RUNX1: variants seen among roughly 807,000 people sequenced by gnomAD.
RUNX1 encodes runt-related transcription factor 1.
RUNX1 carries 19 observed loss-of-function variants against 42.8 expected under a neutral mutation model. The ratio of observed to expected loss-of-function variants is 0.44; its 90% CI spans 0.31 to 0.65. The LOEUF is 0.65. RUNX1 is among the 30% of genes least tolerant of loss of function. RUNX1 has a pLI of 0.07. For missense variants in RUNX1, 528 were observed against 672.0 expected (o/e 0.79, Z 2.37); for synonymous variants, 271 against 289.4 (o/e 0.94, Z 0.64).
In RUNX1 at chr21:34,791,552, AG is replaced by A. The variant is rs201200981; in HGVS notation, c.*582del. 1.2e-3 allele frequency: 271 copies of A among 230,638 alleles called. 7 individuals carry two copies. The East Asian group carries it at 0.017, about 14-fold the overall frequency. The allele number at this position is 230,638 out of a possible 1,614,324, so 14.3% of individuals were successfully genotyped here. A position where few individuals can be genotyped will look rare whatever the true frequency, so the allele number is the denominator to read the frequency against. On this transcript the variant is annotated 3_prime_UTR_variant, in exon 9 of 9. Coordinates refer to ENST00000675419, the MANE Select transcript of RUNX1 (RefSeq NM_001754.5). ...CCATGGTCAAAGCAAGAAAGAAGCA[AG>A]CTCAATTTATATATATTTATATAAA...
At chr21:34,986,301 T>C (rs1488963203) in intron 2 of RUNX1, among the ~76,000 whole-genome samples, 2 of 152,004 alleles carry the variant, frequency 1.3e-5, no homozygotes, top group African/African-American at 4.8e-5. Context: ...TGGCACTGTT[T>C]GTTTCCTCAA....
chr21:34,888,163 G>C, intron 3 of RUNX1: 2 of 1,066,496 alleles, frequency 1.9e-6, no homozygotes, highest in African/African-American at 1.6e-5. Context: ...TCGGGCAGCA[G>C]CGAGACGATA....
intron 7 of RUNX1, among the ~76,000 whole-genome samples, chr21:34,831,366 C>T (rs1407801801): frequency 2.6e-5 from 4 of 152,168 alleles, no homozygotes; most frequent in Admixed American, 6.5e-5. Flanking sequence ...CAATCTGTAC[C>T]GTGCTTCAGA....
intron 4 of RUNX1, among the ~76,000 whole-genome samples, chr21:34,884,710 G>A (rs1220537879): frequency 6.6e-6 from 1 of 152,182 alleles, no homozygotes; most frequent in Non-Finnish European, 1.5e-5. Flanking sequence ...CAGTGAGCAG[G>A]TCTCCTCCAG....
chr21:34,971,508 T>C (rs73900750), intron 2 of RUNX1, among the ~76,000 whole-genome samples: 1 of 139,980 alleles, frequency 7.1e-6, no homozygotes, highest in Non-Finnish European at 1.6e-5. Context: ...TTATCAGCCA[T>C]CCATCCATCC....
intron 3 of RUNX1, chr21:34,887,808 C>A (rs2058020755): frequency 1.9e-6 from 2 of 1,063,844 alleles, no homozygotes; most frequent in Non-Finnish European, 2.3e-6. Context: ...TTTTAAGTAG[C>A]CTTGAAAATC....
At chr21:34,940,834 C>A (rs189191419) in intron 2 of RUNX1, among the ~76,000 whole-genome samples, 1 of 152,204 alleles carries the variant, frequency 6.6e-6, no homozygotes, top group Non-Finnish European at 1.5e-5. Flanking sequence ...ATCTCAGAAA[C>A]CTTTGGTTTG....
At chr21:35,025,494 C>G (rs1030612000) in intron 2 of RUNX1, among the ~76,000 whole-genome samples, 2 of 152,180 alleles carry the variant, frequency 1.3e-5, no homozygotes, top group Non-Finnish European at 2.9e-5. Context: ...GCTATTAACA[C>G]CCAGCACACG....
intron 5 of RUNX1, among the ~76,000 whole-genome samples, chr21:34,862,311 C>T (rs188659182): frequency 8.5e-4 from 130 of 152,290 alleles, no homozygotes; most frequent in Non-Finnish European, 1.0e-3. Flanking sequence ...CCTGAGATGC[C>T]CATAGCCATG....
Position 35,029,238 on chromosome 21 carries a change from T to C in RUNX1, c.58+19604A>G, listed in dbSNP as rs188538041. The stretch of plus-strand genomic sequence containing the variant: ...AAGGAAATTTCAAGTGTATTACATA[T>C]AATGAAGCAGACTGAAAGAACAGTA... On this transcript the variant is annotated intron_variant, in intron 2 of 8. Transcript: ENST00000675419. Among the ~76,000 whole-genome samples, 31 of 152,300 alleles carry C rather than the reference T, an allele frequency of 2.0e-4. No homozygotes were observed. The East Asian group carries it at 5.0e-3, about 25-fold the overall frequency.
At chr21:34,851,241 C>G (rs1038786161) in intron 6 of RUNX1, among the ~76,000 whole-genome samples, 16 of 152,248 alleles carry the variant, frequency 1.1e-4, no homozygotes, top group African/African-American at 3.9e-4. Flanking sequence ...CATGTACCAC[C>G]TGAGTGCATG....
At chr21:34,805,045 G>A (rs142324282) in intron 7 of RUNX1, among the ~76,000 whole-genome samples, 1 of 152,232 alleles carries the variant, frequency 6.6e-6, no homozygotes, top group African/African-American at 2.4e-5. Context: ...GAGCCACCGT[G>A]CCCAGCCTGA....
intron 6 of RUNX1, among the ~76,000 whole-genome samples, chr21:34,842,699 G>A (rs1196066326): frequency 1.3e-5 from 2 of 151,864 alleles, no homozygotes; most frequent in Non-Finnish European, 2.9e-5. Flanking sequence ...AACACAGATG[G>A]CACACATGCA....
At chr21:34,912,709 C>A (rs2058281767) in intron 2 of RUNX1, among the ~76,000 whole-genome samples, 1 of 152,190 alleles carries the variant, frequency 6.6e-6, no homozygotes, top group Non-Finnish European at 1.5e-5. Context: ...TTGGAAAGCA[C>A]ACATCTGATG....
intron 2 of RUNX1, among the ~76,000 whole-genome samples, chr21:35,021,178 G>T (rs2059195408): frequency 1.3e-5 from 2 of 152,212 alleles, no homozygotes; most frequent in Non-Finnish European, 2.9e-5. Context: ...GTCTGAGTCA[G>T]GCCCTGTAAC....
chr21:34,923,424 T>C (rs1247996480), intron 2 of RUNX1, among the ~76,000 whole-genome samples: 2 of 152,206 alleles, frequency 1.3e-5, no homozygotes, highest in Non-Finnish European at 2.9e-5. Flanking sequence ...TGATGACAGT[T>C]ATGCACGTTT....
At chr21:34,811,959 C>A (rs983567804) in intron 7 of RUNX1, among the ~76,000 whole-genome samples, 6 of 151,994 alleles carry the variant, frequency 3.9e-5, no homozygotes, top group African/African-American at 1.5e-4. Context: ...CAAGAAACAG[C>A]CCTCTATACC....
At chr21:34,880,793 C>A (rs2146365599) in intron 4 of RUNX1, 80 bp from the exon 5 acceptor site, 1 of 1,410,186 alleles carries the variant, frequency 7.1e-7, no homozygotes, top group East Asian at 2.3e-5. Context: ...AGTGATTATT[C>A]TAAAATTAAA....
intron 2 of RUNX1, among the ~76,000 whole-genome samples, chr21:34,953,476 C>T (rs2058623201): frequency 6.6e-6 from 1 of 152,136 alleles, no homozygotes; most frequent in Non-Finnish European, 1.5e-5. Context: ...AGGCAGCCAT[C>T]CTGGGCCACA....
Sources: gnomAD v4.1 joint callset for allele counts (sites outside exome capture counted in the v4.1 genomes callset) on GRCh38, gnomAD v4.1.1 for gene constraint, MANE v1.5 for transcripts, NCBI Gene and HGNC (gene_info 2026-07-23, HGNC 2026-07-21) for gene names.